LTBP2: variants seen among roughly 807,000 people sequenced by gnomAD.
LTBP2 encodes latent-transforming growth factor beta-binding protein 2.
A neutral mutation model predicts 210.6 loss-of-function variants in LTBP2; 103 were observed. The observed-to-expected ratio is 0.49, with a 90% CI of 0.42 to 0.58. The LOEUF is 0.58. Ranked by LOEUF, LTBP2 falls within the 20% of genes least tolerant of loss-of-function variation. The pLI is 0.00. For missense variants in LTBP2, 2,313 were observed against 2,494.5 expected (o/e 0.93, Z 1.55); for synonymous variants, 1,007 against 1,015.0 (o/e 0.99, Z 0.15).
At position 74,510,113 on chromosome 14, in the gene LTBP2, G is replaced by A. The variant is rs371210314; in HGVS notation, c.3129C>T (p.Thr1043=). The change falls in exon 20 of 36, where the codon ACC becomes ACT. Residue 1043 remains threonine, a synonymous_variant. Transcript: ENST00000261978. ...TACCTTGGCAGCCCTTCTCATCTGA[G>A]GTGACCTCATAGCCCTGCTCACAAG... ...RCSCEQGYEV[T]SDEKGCQDVD... is the part of the protein sequence containing the mutation. 8.7e-6 allele frequency: 14 copies of A among 1,614,004 alleles called. No individual in the cohort carries two copies. The African/African-American group carries it at 1.7e-4, about 20-fold the overall frequency.
chr14:74,552,136 C>T (rs1440792923), intron 6 of LTBP2, 51 bp downstream of exon 6: 1 of 1,525,916 alleles, frequency 6.6e-7, no homozygotes, highest in African/African-American at 1.4e-5. Context: ...AGCCTCCACC[C>T]AACTGGCACT....
Position 74,505,132 on chromosome 14 carries a change from G to T in LTBP2, c.4220C>A (p.Ala1407Asp). 2 of 1,613,724 alleles carry T rather than the reference G, an allele frequency of 1.2e-6. No individual in the cohort carries two copies. The highest frequency in any genetic ancestry group is 8.5e-7 in the Non-Finnish European group (1 of 1,180,038). The change falls in exon 29 of 36, where the codon GCC becomes GAC. Residue 1407 changes from alanine (A) to aspartate (D), a missense_variant. Physicochemically the swap from Ala to Asp is moderately radical, Grantham distance 126 (BLOSUM62 -2). Around this residue, in one of 3 missense-constraint regions of LTBP2, gnomAD observed 1,867 missense variants for 1,976.9 expected, o/e 0.94. Transcript: ENST00000261978. Reference protein sequence around the residue: ...SEAPTGDHAPAPTRMDCYSGQ... With the variant: ...SEAPTGDHAPDPTRMDCYSGQ... Reference sequence around the variant, plus strand: ...GGAGTAGCAGTCCATGCGGGTGGGGGCCGGGGCATGGTCCCCCGTTGGGGC... The same window carrying T: ...GGAGTAGCAGTCCATGCGGGTGGGGTCCGGGGCATGGTCCCCCGTTGGGGC...
rs372058379 is a variant in LTBP2, at chr14:74,500,529, G to T, written c.*355C>A. 8.7e-5 allele frequency: 39 copies of T among 449,992 alleles called. No homozygotes were observed. The highest frequency in any genetic ancestry group is 7.9e-4 in the South Asian group (36 of 45,416). The allele number at this position is 449,992 out of a possible 1,614,324, so 27.9% of individuals were successfully genotyped here. A position where few individuals can be genotyped will look rare whatever the true frequency, so the allele number is the denominator to read the frequency against. On this transcript the variant is annotated 3_prime_UTR_variant, in exon 36 of 36. Coordinates refer to ENST00000261978, the MANE Select transcript of LTBP2 (RefSeq NM_000428.3). ...ATGATGGTGGATTGTGGCTGGAAAG[G>T]GGTGTCTGCAGTGTGAGGCCATGGG...
intron 10 of LTBP2, among the ~76,000 whole-genome samples, chr14:74,531,529 C>T (rs1460916581): frequency 2.0e-5 from 3 of 152,206 alleles, no homozygotes; most frequent in African/African-American, 4.8e-5. Context: ...CTGGGCACCC[C>T]CCTCCTATAG....
At chr14:74,520,569 G>A (rs1191481723) in intron 17 of LTBP2, among the ~76,000 whole-genome samples, 1 of 152,180 alleles carries the variant, frequency 6.6e-6, no homozygotes, top group Non-Finnish European at 1.5e-5. Context: ...TTGGGAGGCC[G>A]AGGCGGGTGG....
At chr14:74,522,357 TG>T (rs959657937) in intron 16 of LTBP2, among the ~76,000 whole-genome samples, 2 of 152,146 alleles carry the variant, frequency 1.3e-5, no homozygotes, top group East Asian at 1.9e-4. Context: ...TTGAAAATAT[TG>T]GGGGGAGGAG....
At chr14:74,575,681 C>T (rs545804477) in intron 3 of LTBP2, among the ~76,000 whole-genome samples, 1 of 152,318 alleles carries the variant, frequency 6.6e-6, no homozygotes, top group Non-Finnish European at 1.5e-5. Context: ...AAGGGACCCT[C>T]CACAAGCCTT....
intron 2 of LTBP2, among the ~76,000 whole-genome samples, chr14:74,597,083 C>T (rs1179489162): frequency 6.6e-6 from 1 of 152,136 alleles, no homozygotes; most frequent in Non-Finnish European, 1.5e-5. Context: ...CAGACTAAGT[C>T]CTGGGAAACC....
intron 17 of LTBP2, among the ~76,000 whole-genome samples, chr14:74,520,397 G>T (rs1038345226): frequency 6.6e-6 from 1 of 152,194 alleles, no homozygotes; most frequent in Non-Finnish European, 1.5e-5. Flanking sequence ...GCCTCAGTTT[G>T]CTAAACTATT....
At chr14:74,537,011 A>T (rs966777894) in intron 8 of LTBP2, among the ~76,000 whole-genome samples, 2 of 151,854 alleles carry the variant, frequency 1.3e-5, no homozygotes, top group African/African-American at 4.9e-5. Context: ...CATGGATTTT[A>T]TTGTTATTAC....
intron 3 of LTBP2, among the ~76,000 whole-genome samples, chr14:74,568,178 C>T (rs1246787495): frequency 1.3e-5 from 2 of 152,214 alleles, no homozygotes; most frequent in Non-Finnish European, 2.9e-5. Context: ...GAGCAGAACA[C>T]AGGCTAGATT....
intron 3 of LTBP2, among the ~76,000 whole-genome samples, chr14:74,563,487 C>T (rs147085125): frequency 1.1e-4 from 17 of 152,230 alleles, no homozygotes; most frequent in Admixed American, 6.5e-4. Flanking sequence ...GGAAACACAG[C>T]GGCAGCTCCT....
Position 74,551,087 on chromosome 14 carries a change from AAC to A in LTBP2, c.1661_1662del (p.Cys554LeufsTer48), listed in dbSNP as rs1316926579. ...ACCTGTCCGTTCACAGTGTTCAGGT[AAC>A]ACCGGCCCAGCAGTCCTCGAGGCCT... ...APRPRGLLGR[C>X]YLNTVNGQCA... On this transcript the variant is annotated frameshift_variant, in exon 7 of 36. Coordinates refer to ENST00000261978, the MANE Select transcript of LTBP2 (RefSeq NM_000428.3). LOFTEE classifies it high-confidence loss of function. 1 of 1,613,784 alleles carries A rather than the reference AAC, an allele frequency of 6.2e-7. No individual in the cohort carries two copies. The highest frequency in any genetic ancestry group is 1.1e-5 in the South Asian group (1 of 91,088).
Position 74,564,355 on chromosome 14 carries a change from TTATA to T in LTBP2, c.831-8666_831-8663del, listed in dbSNP as rs376611040. 6.8e-3 allele frequency among the ~76,000 whole-genome samples: 46 copies of T among 6,722 alleles called. 10 individuals carry two copies. Among genetic ancestry groups the T allele is most frequent in the South Asian group, 0.062 (5 of 80 alleles). The allele number at this position is 6,722 out of a possible 152,430, so 4.4% of individuals were successfully genotyped here. On this transcript the variant is annotated intron_variant, in intron 3 of 35. Transcript: ENST00000261978. ...TTTATATATATATATTTATATATATTTATATATATATTTATATATATATATTTAT... is the reference window on the plus strand; with the variant it reads ...TTTATATATATATATTTATATATATTTATATATTTATATATATATATTTAT...
At chr14:74,526,622 C>T (rs1002936447) in intron 13 of LTBP2, among the ~76,000 whole-genome samples, 1 of 152,214 alleles carries the variant, frequency 6.6e-6, no homozygotes, top group African/African-American at 2.4e-5. Context: ...TGGAGGCTGG[C>T]TGCGTCTGTG....
chr14:74,563,763 G>A (rs2087828410), intron 3 of LTBP2, among the ~76,000 whole-genome samples: 1 of 151,788 alleles, frequency 6.6e-6, no homozygotes, highest in South Asian at 2.1e-4. Flanking sequence ...GCACCGCTGA[G>A]TAGTTGCAGA....
At chr14:74,562,975 C>T (rs1411912198) in intron 3 of LTBP2, among the ~76,000 whole-genome samples, 1 of 152,160 alleles carries the variant, frequency 6.6e-6, no homozygotes, top group Non-Finnish European at 1.5e-5. Context: ...CCCTTTCTGG[C>T]TTGTGTATCT....
At chr14:74,575,840 G>A (rs2139777286) in intron 3 of LTBP2, among the ~76,000 whole-genome samples, 1 of 152,320 alleles carries the variant, frequency 6.6e-6, no homozygotes, top group South Asian at 2.1e-4. Context: ...CTCAGACTTG[G>A]GAAAATAAAA....
chr14:74,522,044 C>T lies in LTBP2; in HGVS notation c.2660-5G>A, dbSNP rs1566621730. Reference sequence around the variant, plus strand: ...CCCTCAGACACTCGTTGTCATCTGACCAGAAGAAGGCAGGGAGGGAGGTCA... The same window carrying T: ...CCCTCAGACACTCGTTGTCATCTGATCAGAAGAAGGCAGGGAGGGAGGTCA... On this transcript the variant is annotated splice_region_variant and splice_polypyrimidine_tract_variant and intron_variant, in intron 16 of 35. Coordinates refer to ENST00000261978, the MANE Select transcript of LTBP2 (RefSeq NM_000428.3). 7 of 1,611,704 alleles carry T rather than the reference C, an allele frequency of 4.3e-6. No individual in the cohort carries two copies. Among genetic ancestry groups the T allele is most frequent in the Middle Eastern group, 1.7e-4 (1 of 6,056 alleles).
Sources: gnomAD v4.1 joint callset for allele counts (sites outside exome capture counted in the v4.1 genomes callset) on GRCh38, gnomAD v4.1.1 for gene constraint, gnomAD v4.1.1 regional missense constraint, MANE v1.5 for transcripts, NCBI Gene and HGNC (gene_info 2026-07-23, HGNC 2026-07-21) for gene names.